The following BMERB1 variants were observed in gnomAD, a reference collection of about 807,000 sequenced individuals.
BMERB1 encodes bMERB domain-containing protein 1.
In BMERB1, 12 loss-of-function variants were observed where a neutral mutation model predicts 23.6. The ratio of observed to expected loss-of-function variants is 0.51; its 90% confidence interval spans 0.33 to 0.82. The LOEUF (loss-of-function observed/expected upper bound fraction) is 0.82. BMERB1 is among the 40% of genes least tolerant of loss of function. The pLI, the probability that BMERB1 is intolerant of heterozygous loss-of-function variation, is 0.03. For synonymous variants in BMERB1, 122 were observed against 96.6 expected (o/e 1.26, Z -1.54); for missense variants, 247 against 255.4 (o/e 0.97, Z 0.22).
intron 1 of BMERB1, among the ~76,000 whole-genome samples, chr16:15,454,306 C>A (rs2051066067): frequency 6.6e-6 from 1 of 152,202 alleles, no homozygotes; most frequent in Admixed American, 6.5e-5. Context: ...GTTTTCATTA[C>A]TTTTGTGCAG....
chr16:15,466,707 T>A (rs575285974), intron 1 of BMERB1, among the ~76,000 whole-genome samples: 1 of 72,862 alleles, frequency 1.4e-5, no homozygotes, highest in Non-Finnish European at 3.4e-5. Context: ...TTTCACCAGA[T>A]TTATGTGTGT....
intron 1 of BMERB1, among the ~76,000 whole-genome samples, chr16:15,485,515 GGT>G (rs1224449998): frequency 4.2e-5 from 1 of 23,826 alleles, no homozygotes; most frequent in East Asian, 0.056. Context: ...GCATTTGGAT[GGT>G]CTCTGAACCA....
At chr16:15,436,771 A>C (rs986153374) in intron 1 of BMERB1, among the ~76,000 whole-genome samples, 3 of 151,980 alleles carry the variant, frequency 2.0e-5, no homozygotes, top group Non-Finnish European at 2.9e-5. Flanking sequence ...CAAGCTCAAA[A>C]TAATCTCAAC....
chr16:15,438,464 A>T (rs222137), intron 1 of BMERB1, among the ~76,000 whole-genome samples: 71,534 of 144,634 alleles, frequency 0.49, 17,638 homozygotes, highest in Admixed American at 0.6. Flanking sequence ...TTTCTAGACT[A>T]TTTTTTTTTT....
chr16:15,568,710 T>C (rs1438411061), intron 3 of BMERB1, among the ~76,000 whole-genome samples: 1 of 152,210 alleles, frequency 6.6e-6, no homozygotes, highest in Non-Finnish European at 1.5e-5. Context: ...GTGCTTAGCT[T>C]GATATTTGGC....
intron 2 of BMERB1, among the ~76,000 whole-genome samples, chr16:15,518,067 G>A (rs1483330148): frequency 2.0e-5 from 3 of 152,098 alleles, no homozygotes; most frequent in African/African-American, 7.2e-5. Flanking sequence ...ATGTGTGTGT[G>A]TATGGATGTG....
At chr16:15,542,294 A>G (rs1300488049) in intron 2 of BMERB1, among the ~76,000 whole-genome samples, 1 of 146,782 alleles carries the variant, frequency 6.8e-6, no homozygotes, top group Non-Finnish European at 1.5e-5. Context: ...CGAACTCCTG[A>G]CCTCGTGATC....
intron 5 of BMERB1, 143 bp from the exon 6 acceptor site, chr16:15,586,574 C>A: frequency 1.4e-6 from 1 of 699,734 alleles, no homozygotes; most frequent in Non-Finnish European, 2.6e-6. Context: ...ATCAGCTCTC[C>A]ATACCACCTG....
intron 2 of BMERB1, among the ~76,000 whole-genome samples, chr16:15,544,981 C>CTT (rs71134436): frequency 5.3e-5 from 8 of 151,232 alleles, no homozygotes; most frequent in Admixed American, 1.3e-4. Flanking sequence ...TTTTCTTTTT[C>CTT]TTTTTTTTTG....
chr16:15,444,136 T>G (rs907845417), intron 1 of BMERB1, among the ~76,000 whole-genome samples: 6 of 130,254 alleles, frequency 4.6e-5, no homozygotes, highest in African/African-American at 1.5e-4. Flanking sequence ...TTTTTTTTTT[T>G]TTTTTTTTTT....
chr16:15,568,085 A>G, intron 3 of BMERB1, 29 bp downstream of exon 3: 1 of 1,609,282 alleles, frequency 6.2e-7, no homozygotes. Context: ...ACCTTGTGCT[A>G]AACAGGTGCT....
chr16:15,509,744 ATTG>A (rs2051638579), intron 1 of BMERB1, among the ~76,000 whole-genome samples: 1 of 147,170 alleles, frequency 6.8e-6, no homozygotes, highest in South Asian at 2.1e-4. Context: ...AGAGAGTGAC[ATTG>A]TTGTCAGGAA....
At chr16:15,509,572 G>A (rs1020343688) in intron 1 of BMERB1, among the ~76,000 whole-genome samples, 2 of 152,198 alleles carry the variant, frequency 1.3e-5, no homozygotes, top group African/African-American at 4.8e-5. Context: ...TGCGGCTGAT[G>A]ACTAGTGTCA....
Position 15,480,012 on chromosome 16 carries a change from A to AAT in BMERB1, c.107-35283_107-35282dup, listed in dbSNP as rs1172675502. Among the ~76,000 whole-genome samples, 357 of 146,922 alleles carry AAT rather than the reference A, an allele frequency of 2.4e-3. 1 individual carries two copies. The highest frequency in any genetic ancestry group is 6.5e-3 in the Admixed American group (95 of 14,656). On this transcript the variant is annotated intron_variant, in intron 1 of 5. Coordinates refer to ENST00000300006, the MANE Select transcript of BMERB1 (RefSeq NM_033201.3). ...TCATATAGTTTTCATATATATATAT[A>AAT]ATATATATATAATATATATTTAAAA... is the stretch of plus-strand genomic sequence containing the variant.
chr16:15,583,297 C>G (rs1186323986), intron 5 of BMERB1, 59 bp downstream of exon 5: 4 of 1,366,396 alleles, frequency 2.9e-6, no homozygotes, highest in Non-Finnish European at 4.2e-6. Flanking sequence ...TATTTCAGGC[C>G]AGGCCCACAG....
At chr16:15,513,077 C>T (rs946685796) in intron 1 of BMERB1, among the ~76,000 whole-genome samples, 2 of 151,856 alleles carry the variant, frequency 1.3e-5, no homozygotes, top group African/African-American at 2.4e-5. Flanking sequence ...TCTCAGGGTA[C>T]GCCAAAAACA....
In BMERB1 at chr16:15,586,723, G is replaced by A. The variant is rs751373567; in HGVS notation, c.509G>A (p.Arg170Gln). ...TGCCCACATCTTGCTGCAGGCTCCC[G>A]GGCAGAGAAGAAAGCAGAGCCCCCA... ...DKVTKSPASS[R>Q]AEKKAEPPPS... Residue 170 changes from arginine (R) to glutamine (Q), a missense_variant, in exon 6 of 6, where the codon CGG (arginine) becomes CAG (glutamine). Arg to Gln is a conservative substitution (Grantham distance 43). Transcript: ENST00000300006. 82 of 1,608,976 alleles carry A rather than the reference G, an allele frequency of 5.1e-5. No homozygotes were observed. The highest frequency in any genetic ancestry group is 1.8e-4 in the East Asian group (8 of 44,676).
chr16:15,470,380 T>A (rs1250126843), intron 1 of BMERB1, among the ~76,000 whole-genome samples: 4 of 152,200 alleles, frequency 2.6e-5, no homozygotes, highest in African/African-American at 9.6e-5. Flanking sequence ...CTAGTATTTT[T>A]AGTATTTTGT....
At chr16:15,579,356 T>G (rs544789338) in intron 3 of BMERB1, among the ~76,000 whole-genome samples, 1 of 152,262 alleles carries the variant, frequency 6.6e-6, no homozygotes, top group East Asian at 1.9e-4. Flanking sequence ...GCAGGAGCAG[T>G]GACACCATCA....
Sources: gnomAD v4.1 joint callset for allele counts (sites outside exome capture counted in the v4.1 genomes callset) on GRCh38, gnomAD v4.1.1 for gene constraint, MANE v1.5 for transcripts, NCBI Gene and HGNC (gene_info 2026-07-23, HGNC 2026-07-21) for gene names.